PIK3C2G: variants seen among roughly 807,000 people sequenced by gnomAD.
PIK3C2G encodes the protein phosphatidylinositol-4-phosphate 3-kinase catalytic subunit type 2 gamma.
In PIK3C2G, 168 loss-of-function variants were observed where a neutral mutation model predicts 181.1. The ratio of observed to expected loss-of-function variants is 0.93; its 90% CI spans 0.82 to 1.05. The LOEUF is 1.05. Among genes scored for constraint, PIK3C2G ranks in the 50% least tolerant of loss-of-function variants. The pLI, the probability that PIK3C2G is intolerant of heterozygous loss-of-function variation, is 0.00. For missense variants in PIK3C2G, 1,869 were observed against 1,732.8 expected, an observed-to-expected ratio of 1.08 and a Z score of -1.40; for synonymous variants, 573 against 592.2, an observed-to-expected ratio of 0.97 and a Z score of 0.47.
intron 22 of PIK3C2G, among the ~76,000 whole-genome samples, chr12:18,501,372 AACTC>A (rs1565454664): frequency 1.3e-5 from 2 of 152,112 alleles, no homozygotes; most frequent in South Asian, 2.1e-4. Flanking sequence ...ATCTTGTGAG[AACTC>A]ACTCACTATC....
intron 29 of PIK3C2G, among the ~76,000 whole-genome samples, chr12:18,587,712 C>T (rs1946862878): frequency 6.6e-6 from 1 of 151,806 alleles, no homozygotes; most frequent in African/African-American, 2.4e-5. Context: ...TTTTAAAATT[C>T]ATATGAAACC....
intron 18 of PIK3C2G, among the ~76,000 whole-genome samples, chr12:18,485,527 A>G (rs1019181532): frequency 6.6e-6 from 1 of 152,114 alleles, no homozygotes; most frequent in Non-Finnish European, 1.5e-5. Flanking sequence ...TTCTTTAATC[A>G]TCTAGATTTT....
At chr12:18,539,210 G>T (rs1162891027) in intron 25 of PIK3C2G, among the ~76,000 whole-genome samples, 3 of 151,886 alleles carry the variant, frequency 2.0e-5, no homozygotes, top group Non-Finnish European at 4.4e-5. Flanking sequence ...TTCAGGACAT[G>T]TTAACCCCCA....
chr12:18,538,046 A>G, intron 24 of PIK3C2G, 110 bp from the exon 25 acceptor site: 1 of 990,432 alleles, frequency 1.0e-6, no homozygotes, highest in South Asian at 1.6e-5. Flanking sequence ...CTATTACAGT[A>G]GAGAAAAAAA....
intron 9 of PIK3C2G, among the ~76,000 whole-genome samples, chr12:18,339,777 T>C (rs1040816265): frequency 1.3e-5 from 2 of 152,094 alleles, no homozygotes; most frequent in Non-Finnish European, 2.9e-5. Context: ...AAAAAATGAA[T>C]ATAGAAATTT....
intron 1 of PIK3C2G, among the ~76,000 whole-genome samples, chr12:18,264,961 C>G (rs1221260502): frequency 1.3e-5 from 2 of 152,174 alleles, no homozygotes; most frequent in African/African-American, 4.8e-5. Flanking sequence ...ACTCAGCAAG[C>G]CTTTTCCTCA....
intron 13 of PIK3C2G, among the ~76,000 whole-genome samples, chr12:18,371,719 A>G (rs576820161): frequency 5.5e-4 from 84 of 152,316 alleles, no homozygotes; most frequent in Non-Finnish European, 8.8e-4. Context: ...TTTCTTGTGA[A>G]GAAGAAATAT....
At chr12:18,312,386 A>G (rs1337530944) in intron 5 of PIK3C2G, among the ~76,000 whole-genome samples, 2 of 152,196 alleles carry the variant, frequency 1.3e-5, no homozygotes. Flanking sequence ...CAAGACTTCA[A>G]CATACAGAGA....
At chr12:18,358,747 G>A in intron 11 of PIK3C2G, 1 of 382,578 alleles carries the variant, frequency 2.6e-6, no homozygotes, top group Non-Finnish European at 5.1e-6. Flanking sequence ...ATTATAAATT[G>A]GTAATGTTTG....
chr12:18,696,819 C>A, the PIK3C2G span, among the ~76,000 whole-genome samples: 5 of 152,050 alleles, frequency 3.3e-5, no homozygotes, highest in Admixed American at 2.6e-4. Context: ...GCATCTTCCC[C>A]CAAAGTTTAT....
chr12:18,538,138 A>T lies in PIK3C2G; in HGVS notation c.3324-18A>T. 4 of 1,599,722 alleles carry T rather than the reference A, an allele frequency of 2.5e-6. No homozygotes were observed. The highest frequency in any genetic ancestry group is 3.4e-6 in the Non-Finnish European group (4 of 1,173,432). On this transcript the variant is annotated intron_variant, in intron 24 of 32. Transcript: ENST00000538779. Reference sequence around the variant, plus strand: ...ATTTCTCTTCCTTCGAATGATTGCTACTGTTTTTGGTTTACAGGGACCGAG... The same window carrying T: ...ATTTCTCTTCCTTCGAATGATTGCTTCTGTTTTTGGTTTACAGGGACCGAG...
At chr12:18,279,076 T>C (rs1949103704) in intron 1 of PIK3C2G, among the ~76,000 whole-genome samples, 1 of 152,092 alleles carries the variant, frequency 6.6e-6, no homozygotes, top group Non-Finnish European at 1.5e-5. Context: ...TTAGTGGAGA[T>C]AGTTCATTTG....
chr12:18,421,128 A>G, intron 17 of PIK3C2G, 94 bp downstream of exon 17: 1 of 622,092 alleles, frequency 1.6e-6, no homozygotes, highest in East Asian at 2.9e-5. Context: ...TCTAGAAGTG[A>G]CATTGCAATT....
At chr12:18,519,593 T>G (rs1230908542) in intron 24 of PIK3C2G, among the ~76,000 whole-genome samples, 1 of 152,190 alleles carries the variant, frequency 6.6e-6, no homozygotes, top group East Asian at 1.9e-4. Flanking sequence ...AGCCCTTTAT[T>G]TTGAGCCCAT....
intron 18 of PIK3C2G, among the ~76,000 whole-genome samples, chr12:18,475,345 T>A (rs1333710771): frequency 6.9e-6 from 1 of 145,788 alleles, no homozygotes; most frequent in East Asian, 2.0e-4. Context: ...CTAAATAGAA[T>A]CTCTCTCTCA....
At chr12:18,486,944 T>C (rs1940097203) in intron 18 of PIK3C2G, among the ~76,000 whole-genome samples, 2 of 152,182 alleles carry the variant, frequency 1.3e-5, no homozygotes, top group Admixed American at 1.3e-4. Context: ...TAATTAATTA[T>C]GTGGTCCATT....
chr12:18,270,760 A>G (rs1440758795), intron 1 of PIK3C2G, among the ~76,000 whole-genome samples: 1 of 152,178 alleles, frequency 6.6e-6, no homozygotes, highest in African/African-American at 2.4e-5. Context: ...TAACTTTGAC[A>G]TGCCTGAAGT....
chr12:18,457,107 A>C (rs1309328823), intron 18 of PIK3C2G, among the ~76,000 whole-genome samples: 2 of 152,184 alleles, frequency 1.3e-5, no homozygotes, highest in Non-Finnish European at 2.9e-5. Flanking sequence ...TGGGATAGAG[A>C]AACTGGCTGG....
intron 14 of PIK3C2G, among the ~76,000 whole-genome samples, chr12:18,383,210 A>C (rs1942955033): frequency 6.6e-6 from 1 of 152,244 alleles, no homozygotes; most frequent in African/African-American, 2.4e-5. Context: ...ATCACATTTG[A>C]TTCATGTTTT....
Sources: allele counts gnomAD v4.1 joint callset (sites outside exome capture counted in the v4.1 genomes callset), GRCh38; gene constraint gnomAD v4.1.1; transcripts MANE v1.5; gene names NCBI Gene and HGNC (gene_info 2026-07-23, HGNC 2026-07-21).